The following RNF145 variants were observed in gnomAD, a reference collection of about 807,000 sequenced individuals.
RNF145 encodes ring finger protein 145.
A neutral mutation model predicts 57.3 loss-of-function variants in RNF145; 12 were observed. The ratio of observed to expected loss-of-function variants is 0.21; its 90% CI spans 0.13 to 0.34. The LOEUF is 0.34. Among genes scored for constraint, RNF145 ranks in the 10% least tolerant of loss-of-function variants. The pLI is 1.00. For missense variants in RNF145, 429 were observed against 799.0 expected (o/e 0.54, Z 5.58); for synonymous variants, 262 against 288.3 (o/e 0.91, Z 0.92).
At chr5:159,177,236 T>C (rs1218898937) in intron 4 of RNF145, among the ~76,000 whole-genome samples, 2 of 152,128 alleles carry the variant, frequency 1.3e-5, no homozygotes, top group East Asian at 3.8e-4. Flanking sequence ...AATATTTAAC[T>C]GTTCTGGTCT....
intron 2 of RNF145, among the ~76,000 whole-genome samples, chr5:159,197,243 ATGAAAACCATAAAAGTGTAATTT>A (rs1473398564): frequency 1.3e-5 from 2 of 152,258 alleles, no homozygotes; most frequent in African/African-American, 2.4e-5. Context: ...AACAGCAAGC[ATGAAAACCATAAAAGTGTAATTT>A]TCAGGGGACA....
Position 159,161,288 on chromosome 5 carries a change from T to A in RNF145, c.1604A>T (p.Asp535Val). The change falls in exon 10 of 11, where the codon GAT becomes GTT. Residue 535 changes from aspartate (D) to valine (V), a missense_variant. By Grantham distance (152) the Asp-to-Val change is radical (BLOSUM62 -3). Transcript: ENST00000424310. ...TACCTGATAACAGATGGCACAAATA[T>A]CATTGTGTTTCTCAAGCTGCTCTTT... Reference protein sequence around the residue: ...ATKEQLEKHNDICAICYQDMK... With the variant: ...ATKEQLEKHNVICAICYQDMK... 6.2e-7 allele frequency: 1 copy of A among 1,610,290 alleles called. No individual in the cohort carries two copies. Among genetic ancestry groups the A allele is most frequent in the Non-Finnish European group, 8.5e-7 (1 of 1,176,934 alleles).
At chr5:159,192,511 A>G (rs1358003774) in intron 3 of RNF145, among the ~76,000 whole-genome samples, 1 of 152,230 alleles carries the variant, frequency 6.6e-6, no homozygotes, top group African/African-American at 2.4e-5. Flanking sequence ...AATTCTAAAA[A>G]GATATTATAT....
intron 2 of RNF145, among the ~76,000 whole-genome samples, chr5:159,200,994 C>T (rs1284733355): frequency 1.3e-5 from 2 of 152,198 alleles, no homozygotes; most frequent in African/African-American, 2.4e-5. Flanking sequence ...TGTAGGAACT[C>T]TCAACCACGG....
upstream of RNF145, chr5:159,209,710 A>G: frequency 9.5e-7 from 1 of 1,052,198 alleles, no homozygotes. Flanking sequence ...AGCCTAGCCA[A>G]GCCCATACAG....
chr5:159,182,107 C>T (rs959772983), intron 3 of RNF145, 56 bp from the exon 4 acceptor site: 3 of 1,053,060 alleles, frequency 2.8e-6, no homozygotes, highest in East Asian at 2.4e-5. Context: ...AGCGGAATCA[C>T]AATATGCTTA....
intron 3 of RNF145, among the ~76,000 whole-genome samples, chr5:159,192,897 C>T (rs887291479): frequency 1.3e-5 from 2 of 152,214 alleles, no homozygotes; most frequent in African/African-American, 4.8e-5. Flanking sequence ...ACCCTAATGA[C>T]TGCATTACAC....
intron 1 of RNF145, among the ~76,000 whole-genome samples, chr5:159,207,311 ATTTT>A (rs1478723500): frequency 2.0e-5 from 3 of 152,092 alleles, no homozygotes; most frequent in Non-Finnish European, 2.9e-5. Flanking sequence ...GAAAAATGTG[ATTTT>A]TTATTTCTCT....
chr5:159,186,763 T>C (rs1785072430), intron 3 of RNF145, among the ~76,000 whole-genome samples: 2 of 152,204 alleles, frequency 1.3e-5, no homozygotes, highest in African/African-American at 4.8e-5. Flanking sequence ...CTGTATTTGA[T>C]AATGTTCAAA....
chr5:159,206,985 C>T (rs1013458161), intron 1 of RNF145, among the ~76,000 whole-genome samples: 8 of 150,540 alleles, frequency 5.3e-5, no homozygotes, highest in Non-Finnish European at 1.2e-4. Context: ...GCATTTCTTT[C>T]CAAAAACCAC....
At chr5:159,166,136 T>C (rs933203598) in intron 8 of RNF145, among the ~76,000 whole-genome samples, 18 of 152,214 alleles carry the variant, frequency 1.2e-4, no homozygotes, top group Non-Finnish European at 2.9e-5. Context: ...TTTGATTGCA[T>C]GTAAAACAGT....
chr5:159,191,444 A>G (rs745579451), intron 3 of RNF145, among the ~76,000 whole-genome samples: 2 of 152,194 alleles, frequency 1.3e-5, no homozygotes, highest in Admixed American at 6.5e-5. Flanking sequence ...TCAAAATGAA[A>G]TAAGAATGGG....
intron 8 of RNF145, 62 bp from the exon 9 acceptor site, chr5:159,163,141 T>G: frequency 6.9e-7 from 1 of 1,442,666 alleles, no homozygotes; most frequent in Non-Finnish European, 9.4e-7. Context: ...ACCACTCACA[T>G]CAGCAGCTAA....
chr5:159,195,272 CCCTGACATCACT>C (rs1463821122), intron 2 of RNF145, among the ~76,000 whole-genome samples: 1 of 152,060 alleles, frequency 6.6e-6, no homozygotes, highest in Non-Finnish European at 1.5e-5. Context: ...CAGTCGTTCC[CCCTGACATCACT>C]CCTTACCTTT....
intron 2 of RNF145, among the ~76,000 whole-genome samples, chr5:159,195,273 CCT>C (rs1491249580): frequency 2.0e-5 from 3 of 152,120 alleles, no homozygotes; most frequent in African/African-American, 7.2e-5. Context: ...AGTCGTTCCC[CCT>C]GACATCACTC....
upstream of RNF145, chr5:159,209,937 C>T (rs1474974177): frequency 3.9e-6 from 6 of 1,530,520 alleles, no homozygotes; most frequent in Non-Finnish European, 5.3e-6. Context: ...TTCGTTTTAA[C>T]CTCGTCACTG....
chr5:159,175,031 A>G (rs546671042), intron 5 of RNF145, among the ~76,000 whole-genome samples: 16 of 152,288 alleles, frequency 1.1e-4, no homozygotes, highest in African/African-American at 2.2e-4. Context: ...GAATCTCTCA[A>G]TGTGATACCA....
At chr5:159,163,955 T>C (rs1267723013) in intron 8 of RNF145, among the ~76,000 whole-genome samples, 2 of 152,358 alleles carry the variant, frequency 1.3e-5, no homozygotes, top group Non-Finnish European at 2.9e-5. Flanking sequence ...ATAAAGCTCA[T>C]GGCTACAAAA....
At chr5:159,164,731 T>C (rs1784338499) in intron 8 of RNF145, among the ~76,000 whole-genome samples, 1 of 152,222 alleles carries the variant, frequency 6.6e-6, no homozygotes, top group Admixed American at 6.5e-5. Flanking sequence ...TGTTTGCCTT[T>C]TGAAAATTTG....
Sources: gnomAD v4.1 joint callset for allele counts (sites outside exome capture counted in the v4.1 genomes callset) on GRCh38, gnomAD v4.1.1 for gene constraint, MANE v1.5 for transcripts, NCBI Gene and HGNC (gene_info 2026-07-23, HGNC 2026-07-21) for gene names.